AK9: variants seen among roughly 807,000 people sequenced by gnomAD.
AK9 encodes the protein adenylate kinase 9.
AK9 carries 191 observed loss-of-function variants against 239.6 expected under a neutral mutation model. The ratio of observed to expected loss-of-function variants is 0.80; its 90% CI spans 0.71 to 0.90. The LOEUF (loss-of-function observed/expected upper bound fraction) is 0.90, where lower values mean the gene tolerates loss of function less well. Among genes scored for constraint, AK9 ranks in the 40% least tolerant of loss-of-function variants. The pLI is 0.00. For synonymous variants in AK9, 689 were observed against 721.0 expected (o/e 0.96, Z 0.71); for missense variants, 1,995 against 2,214.7 (o/e 0.90, Z 1.99).
At chr6:109,574,666 G>T (rs1055960273) in intron 20 of AK9, among the ~76,000 whole-genome samples, 2 of 151,938 alleles carry the variant, frequency 1.3e-5, no homozygotes, top group African/African-American at 2.4e-5. Context: ...TAGACCCTAG[G>T]TTAAGAACTC....
In AK9 at chr6:109,632,904, C is replaced by T. The variant is rs113588284; in HGVS notation, c.1254+19G>A. ...ATAGATAGATAGATAGATAGATAGA[C>T]AGATAGTTAGTTAGTCACCTTTCCT... On this transcript the variant is annotated intron_variant, in intron 12 of 40. Coordinates refer to ENST00000424296, the MANE Select transcript of AK9 (RefSeq NM_001145128.3). The T allele has an allele frequency of 9.8e-4, 1,158 of 1,182,700 alleles. 4 individuals are homozygous for T. The highest frequency in any genetic ancestry group is 2.5e-3 in the Middle Eastern group (12 of 4,828). The allele number at this position is 1,182,700 out of a possible 1,614,324, so 73.3% of individuals were successfully genotyped here.
intron 5 of AK9, among the ~76,000 whole-genome samples, chr6:109,671,325 T>C (rs977554410): frequency 3.3e-5 from 5 of 152,234 alleles, no homozygotes; most frequent in Non-Finnish European, 5.9e-5. Flanking sequence ...CTCCTCTTCT[T>C]TTGCAGAGGT....
rs763229035 is a variant in AK9, at chr6:109,613,042, TAATC to T, written c.1610-953_1610-950del. 2.5e-4 allele frequency among the ~76,000 whole-genome samples: 37 copies of T among 149,708 alleles called. 1 individual carries two copies. The highest frequency in any genetic ancestry group is 7.8e-4 in the African/African-American group (32 of 41,214). ...AATTGAACGTTTATAGAATTTGATA[TAATC>T]AATCAATCCTCTCAATCAGACATTT... is the stretch of plus-strand genomic sequence containing the variant. On this transcript the variant is annotated intron_variant, in intron 15 of 40. Coordinates refer to ENST00000424296, the MANE Select transcript of AK9 (RefSeq NM_001145128.3).
At chr6:109,498,802 G>A (rs1388897514) in intron 36 of AK9, among the ~76,000 whole-genome samples, 1 of 152,228 alleles carries the variant, frequency 6.6e-6, no homozygotes, top group African/African-American at 2.4e-5. Context: ...CTCCTTAGCC[G>A]TTAGGCTGGC....
At chr6:109,690,662 G>A (rs1226006894) in intron 1 of AK9, 2 of 152,160 alleles carry the variant, frequency 1.3e-5, no homozygotes, top group African/African-American at 4.8e-5. Flanking sequence ...TACCTAATTT[G>A]GCATTTATAA....
intron 5 of AK9, among the ~76,000 whole-genome samples, chr6:109,665,405 A>T (rs1801042863): frequency 6.6e-6 from 1 of 152,160 alleles, no homozygotes. Flanking sequence ...TCCCTAAAAA[A>T]ATGTAGACAC....
At chr6:109,671,795 A>C in intron 5 of AK9, 124 bp downstream of exon 5, 1 of 715,862 alleles carries the variant, frequency 1.4e-6, no homozygotes, top group Non-Finnish European at 2.4e-6. Flanking sequence ...TCAACTGAAT[A>C]GAGATAATGA....
chr6:109,644,634 G>T lies in AK9; in HGVS notation c.814C>A (p.Pro272Thr). 1 of 1,612,088 alleles carries T rather than the reference G, an allele frequency of 6.2e-7. No individual in the cohort carries two copies. The highest frequency in any genetic ancestry group is 8.5e-7 in the Non-Finnish European group (1 of 1,179,784). The stretch of plus-strand genomic sequence containing the variant: ...CTCACCATAAAGAGCTCCTCTGCTG[G>T]TTTATTTCCATTTAGCTCAATGAGA... ...QYLIELNGNK[P>T]AEELFMIVMD... The change falls in exon 9 of 41, where the codon CCA becomes ACA. Residue 272 changes from proline to threonine, a missense_variant. Pro to Thr is a conservative substitution (Grantham distance 38). This residue lies in a region of AK9 where 1,290 missense variants were observed against 1,392.7 expected (regional missense o/e 0.93). Coordinates refer to ENST00000424296, the MANE Select transcript of AK9 (RefSeq NM_001145128.3).
intron 27 of AK9, among the ~76,000 whole-genome samples, chr6:109,540,546 G>T (rs1782742501): frequency 6.6e-6 from 1 of 152,206 alleles, no homozygotes; most frequent in Non-Finnish European, 1.5e-5. Flanking sequence ...ACCCCTTGCA[G>T]TTCCCTGGTG....
intron 32 of AK9, among the ~76,000 whole-genome samples, chr6:109,511,048 C>T (rs75992571): frequency 0.015 from 2,186 of 149,368 alleles, 58 homozygotes; most frequent in African/African-American, 0.052. Flanking sequence ...GGTTAATGAA[C>T]CAAATCTGCT....
chr6:109,626,325 T>C (rs1393518757), intron 12 of AK9, among the ~76,000 whole-genome samples: 1 of 152,224 alleles, frequency 6.6e-6, no homozygotes, highest in African/African-American at 2.4e-5. Flanking sequence ...TGTCTCCTTT[T>C]TTCTTGATAT....
chr6:109,614,502 T>C lies in AK9; in HGVS notation c.1400-22A>G. The C allele has an allele frequency of 2.6e-6, 4 of 1,544,692 alleles. No individual in the cohort carries two copies. The South Asian group carries it at 4.8e-5, about 18-fold the overall frequency. ...TCAGCTGAAATATAACAATGGGTGG[T>C]GTTAGCAAAACGTAGTTGGGGATAG... is the stretch of plus-strand genomic sequence containing the variant. On this transcript the variant is annotated intron_variant, in intron 13 of 40. Coordinates refer to ENST00000424296, the MANE Select transcript of AK9 (RefSeq NM_001145128.3).
intron 5 of AK9, among the ~76,000 whole-genome samples, chr6:109,665,421 G>A (rs924241649): frequency 6.6e-6 from 1 of 152,096 alleles, no homozygotes; most frequent in Non-Finnish European, 1.5e-5. Context: ...GACACTGCCT[G>A]CACTGTCTCA....
At position 109,514,420 on chromosome 6, in the gene AK9, T is replaced by G. The variant is rs973852886; in HGVS notation, c.4083A>C (p.Thr1361=). 1.3e-6 allele frequency: 2 copies of G among 1,547,102 alleles called. No homozygotes were observed. Among genetic ancestry groups the G allele is most frequent in the African/African-American group, 2.7e-5 (2 of 72,794 alleles). Reference sequence around the variant, plus strand: ...TCTCTGCATTTTCAACTGGCTTGATTGTCTCTCCTTCACTTAGCTGCAACA... The same window carrying G: ...TCTCTGCATTTTCAACTGGCTTGATGGTCTCTCCTTCACTTAGCTGCAACA... ...WDPVKLSEGE[T]IKPVENAENP... Residue 1361 remains threonine (T), a synonymous_variant, in exon 32 of 41, where the codon ACA becomes ACC. Transcript: ENST00000424296.
Position 109,493,995 on chromosome 6 carries a change from G to C in AK9, c.5519C>G (p.Ala1840Gly). 6.2e-7 allele frequency: 1 copy of C among 1,605,646 alleles called. No individual in the cohort carries two copies. The highest frequency in any genetic ancestry group is 8.5e-7 in the Non-Finnish European group (1 of 1,173,660). Residue 1840 changes from alanine (A) to glycine (G), a missense_variant, in exon 40 of 41, where the codon GCA (alanine) becomes GGA (glycine). Ala to Gly is a moderately conservative substitution (Grantham distance 60). Around this residue, in one of 5 missense-constraint regions of AK9, gnomAD observed 391 missense variants for 456.0 expected, o/e 0.86. Transcript: ENST00000424296. Reference protein sequence around the residue: ...SIRRSALLYIALHLKAFNPKG... With the variant: ...SIRRSALLYIGLHLKAFNPKG... ...AAAAGACATACCTTTGAGATGAAGTGCTATATATAGCAGTGCAGATCTCCT... is the reference window on the plus strand; with the variant it reads ...AAAAGACATACCTTTGAGATGAAGTCCTATATATAGCAGTGCAGATCTCCT...
intron 21 of AK9, among the ~76,000 whole-genome samples, chr6:109,570,013 A>G (rs962541225): frequency 1.3e-5 from 2 of 152,162 alleles, no homozygotes; most frequent in Admixed American, 6.5e-5. Context: ...CACAATAGCA[A>G]AGACTTGGAA....
At chr6:109,511,105 T>C (rs1172400596) in intron 32 of AK9, among the ~76,000 whole-genome samples, 1 of 151,924 alleles carries the variant, frequency 6.6e-6, no homozygotes, top group East Asian at 1.9e-4. Flanking sequence ...TTAAGGGTTT[T>C]CTTTTTTCTG....
intron 9 of AK9, among the ~76,000 whole-genome samples, chr6:109,642,311 A>G (rs1583386529): frequency 1.3e-5 from 2 of 152,348 alleles, no homozygotes; most frequent in East Asian, 3.9e-4. Context: ...CTGGAAAAAT[A>G]AAAGAGGCCA....
Position 109,645,623 on chromosome 6 carries a change from G to C in AK9, c.760-935C>G, listed in dbSNP as rs1797961723. Among the ~76,000 whole-genome samples the C allele has an allele frequency of 6.6e-5, 10 of 152,222 alleles. No homozygotes were observed. In the South Asian group the frequency reaches 2.1e-3, roughly 32 times the overall value. On this transcript the variant is annotated intron_variant, in intron 8 of 40. Transcript: ENST00000424296. ...CCTGCCTCTGTAGACTCCACCTCTGGGGGCAGGGCATAGCTGAACAAAAGG... is the reference window on the plus strand; with the variant it reads ...CCTGCCTCTGTAGACTCCACCTCTGCGGGCAGGGCATAGCTGAACAAAAGG...
Sources: allele counts gnomAD v4.1 joint callset (sites outside exome capture counted in the v4.1 genomes callset), GRCh38; gene constraint gnomAD v4.1.1; regional missense constraint gnomAD v4.1.1; transcripts MANE v1.5; gene names NCBI Gene and HGNC (gene_info 2026-07-23, HGNC 2026-07-21).